SPATA13: variants seen among roughly 807,000 people sequenced by gnomAD.
SPATA13 encodes the protein spermatogenesis-associated protein 13.
In SPATA13, 50 loss-of-function variants were observed where a neutral mutation model predicts 104.0. The ratio of observed to expected loss-of-function variants is 0.48; its 90% CI spans 0.38 to 0.61. The LOEUF (loss-of-function observed/expected upper bound fraction) is 0.61. Among genes scored for constraint, SPATA13 ranks in the 20% least tolerant of loss-of-function variants. The pLI, the probability that SPATA13 is intolerant of heterozygous loss-of-function variation, is 0.00. For missense variants in SPATA13, 1,524 were observed against 1,690.6 expected (o/e 0.90, Z 1.73); for synonymous variants, 606 against 667.5 (o/e 0.91, Z 1.42).
At chr13:24,060,519 A>C (rs998795416) in intron 3 of SPATA13, among the ~76,000 whole-genome samples, 1 of 152,256 alleles carries the variant, frequency 6.6e-6, no homozygotes, top group Non-Finnish European at 1.5e-5. Flanking sequence ...GGACATAGGC[A>C]TAGGGAAAGA....
chr13:24,129,139 A>G (rs1881315028), intron 3 of SPATA13, among the ~76,000 whole-genome samples: 1 of 152,238 alleles, frequency 6.6e-6, no homozygotes, highest in South Asian at 2.1e-4. Flanking sequence ...TGGGCTTTCA[A>G]TCCAAAGTCC....
At chr13:24,292,275 A>T (rs1876445290) in intron 9 of SPATA13, among the ~76,000 whole-genome samples, 1 of 152,212 alleles carries the variant, frequency 6.6e-6, no homozygotes, top group Admixed American at 6.5e-5. Context: ...ATGCCATGGG[A>T]AAATGTCATC....
intron 2 of SPATA13, among the ~76,000 whole-genome samples, chr13:24,015,471 C>T (rs1265641719): frequency 6.6e-6 from 1 of 152,184 alleles, no homozygotes; most frequent in East Asian, 1.9e-4. Context: ...TGCTTCCAAG[C>T]TTGTTTCTCC....
rs1302233254 is a variant in SPATA13, at chr13:23,987,946, CTTT to C, written c.-147+4026_-147+4028del. ...TGGCATATGTCAGAATTTTGTTTCT[CTTT>C]TTTTTTTTTTTTGAGACAGAGCCTC... is the stretch of plus-strand genomic sequence containing the variant. On this transcript the variant is annotated intron_variant, in intron 2 of 14. Coordinates refer to the SPATA13 transcript ENST00000424834. Among the ~76,000 whole-genome samples the C allele has an allele frequency of 4.9e-5, 7 of 142,258 alleles. No individual in the cohort carries two copies. The South Asian group carries it at 6.8e-4, about 14-fold the overall frequency. The allele number at this position is 142,258 out of a possible 152,430, so 93.3% of individuals were successfully genotyped here.
intron 1 of SPATA13, among the ~76,000 whole-genome samples, chr13:24,210,766 G>GTTTTTTTTTT (rs58789886): frequency 2.2e-5 from 3 of 137,442 alleles, no homozygotes; most frequent in Non-Finnish European, 3.1e-5. Flanking sequence ...GAATTTTAGG[G>GTTTTTTTTTT]TTTTTTTTTT....
chr13:24,281,441 A>G (rs1390376638), intron 4 of SPATA13, among the ~76,000 whole-genome samples: 1 of 151,950 alleles, frequency 6.6e-6, no homozygotes, highest in Non-Finnish European at 1.5e-5. Flanking sequence ...CCTGGCTTCC[A>G]TTGTCAGCTG....
chr13:24,230,536 T>A (rs142556186), intron 2 of SPATA13, among the ~76,000 whole-genome samples: 1 of 152,162 alleles, frequency 6.6e-6, no homozygotes, highest in Non-Finnish European at 1.5e-5. Context: ...GATGCCCACA[T>A]CTGAGCTCAG....
At chr13:24,297,166 G>A (rs1278114982) in intron 10 of SPATA13, among the ~76,000 whole-genome samples, 197 bp from the exon 11 acceptor site, 5 of 152,130 alleles carry the variant, frequency 3.3e-5, no homozygotes, top group Non-Finnish European at 4.4e-5. Context: ...AGCCTCCTAA[G>A]TAGCTAGGAC....
intron 1 of SPATA13, among the ~76,000 whole-genome samples, chr13:24,208,172 T>C (rs972985435): frequency 6.6e-6 from 1 of 152,184 alleles, no homozygotes; most frequent in Non-Finnish European, 1.5e-5. Flanking sequence ...CAGGTGAGGC[T>C]CAGAGTTATT....
Position 24,182,492 on chromosome 13 carries a change from GAC to G in SPATA13, c.-112+21562_-112+21563del, listed in dbSNP as rs1008880789. On this transcript the variant is annotated intron_variant, in intron 1 of 12. Coordinates refer to ENST00000382108, the MANE Select transcript of SPATA13 (RefSeq NM_001166271.3). ...ATGATGAGAGAGGAAGTGAGAGAGA[GAC>G]AGAGAGAGAGAGAGAGCGCAGGAAA... Among the ~76,000 whole-genome samples, 11 of 84,514 alleles carry G rather than the reference GAC, an allele frequency of 1.3e-4. No homozygotes were observed. In the South Asian group the frequency reaches 3.0e-3, roughly 23 times the overall value. 55.4% of individuals were successfully genotyped at this position (84,514 alleles called of 152,430 possible). A position where few individuals can be genotyped will look rare whatever the true frequency, so the allele number is the denominator to read the frequency against.
At chr13:24,261,634 C>T (rs1180664208) in intron 4 of SPATA13, among the ~76,000 whole-genome samples, 2 of 152,132 alleles carry the variant, frequency 1.3e-5, no homozygotes, top group Non-Finnish European at 2.9e-5. Context: ...AAAAAAGTAG[C>T]CAGGCAGGTA....
chr13:24,050,587 T>G (rs1878305262), intron 3 of SPATA13, among the ~76,000 whole-genome samples: 1 of 152,192 alleles, frequency 6.6e-6, no homozygotes, highest in African/African-American at 2.4e-5. Context: ...GGACACAGCA[T>G]GGCAGCTGGC....
At chr13:24,140,654 C>T (rs111779272) in intron 3 of SPATA13, among the ~76,000 whole-genome samples, 43 of 152,226 alleles carry the variant, frequency 2.8e-4, no homozygotes, top group African/African-American at 8.7e-4. Context: ...ATTAAGCACA[C>T]GGGACTGCAA....
chr13:24,290,633 C>G lies in SPATA13; in HGVS notation c.2848-19C>G. ...AGAGGCACCCCAGAAGCTGACGAAG[C>G]TGTACTTTTCCTTCCCAGCAAGAGG... On this transcript the variant is annotated intron_variant, in intron 8 of 12. Transcript: ENST00000382108. 1 of 1,604,800 alleles carries G rather than the reference C, an allele frequency of 6.2e-7. No homozygotes were observed.
intron 3 of SPATA13, among the ~76,000 whole-genome samples, chr13:24,093,505 C>G (rs910527260): frequency 1.3e-5 from 2 of 152,092 alleles, no homozygotes; most frequent in Non-Finnish European, 1.5e-5. Context: ...AATACAGATG[C>G]AAAGTTCAGG....
intron 3 of SPATA13, among the ~76,000 whole-genome samples, chr13:24,141,353 T>C (rs755063669): frequency 1.3e-5 from 2 of 152,114 alleles, no homozygotes; most frequent in Non-Finnish European, 2.9e-5. Context: ...TTAATTAACA[T>C]ACTGAGTGCT....
At chr13:24,090,753 T>A (rs1323713816) in intron 3 of SPATA13, among the ~76,000 whole-genome samples, 3 of 152,268 alleles carry the variant, frequency 2.0e-5, no homozygotes, top group Non-Finnish European at 4.4e-5. Context: ...TTATAATAGC[T>A]GACTTAAAAA....
intron 3 of SPATA13, among the ~76,000 whole-genome samples, chr13:24,044,956 G>T (rs956942114): frequency 6.6e-6 from 1 of 152,096 alleles, no homozygotes; most frequent in Non-Finnish European, 1.5e-5. Flanking sequence ...AGTTAGATAG[G>T]AGAAATAAGT....
chr13:24,275,676 G>A (rs921660057), intron 4 of SPATA13, among the ~76,000 whole-genome samples: 2 of 152,250 alleles, frequency 1.3e-5, no homozygotes, highest in Admixed American at 1.3e-4. Flanking sequence ...GCTCACGCCT[G>A]TAATCCCAGC....
Sources: allele counts gnomAD v4.1 joint callset (sites outside exome capture counted in the v4.1 genomes callset), GRCh38; gene constraint gnomAD v4.1.1; transcripts MANE v1.5; gene names NCBI Gene and HGNC (gene_info 2026-07-23, HGNC 2026-07-21).